The following TCL1B variants were observed in gnomAD, a reference collection of about 807,000 sequenced individuals.
The protein encoded by TCL1B is T-cell leukemia/lymphoma protein 1B.
TCL1B carries 14 observed loss-of-function variants against 16.9 expected under a neutral mutation model. The observed-to-expected ratio is 0.83, with a 90% CI of 0.55 to 1.30. The LOEUF (loss-of-function observed/expected upper bound fraction) is 1.30, where lower values mean the gene tolerates loss of function less well. Among genes scored for constraint, TCL1B ranks in the 50% most tolerant of loss-of-function variants. The probability of loss-of-function intolerance (pLI) is 0.00; values close to 1 mark genes in which losing one functional copy is unlikely to be tolerated. For synonymous variants in TCL1B, 79 were observed against 66.6 expected, an observed-to-expected ratio of 1.19 and a Z score of -0.91; for missense variants, 166 against 165.2, an observed-to-expected ratio of 1.00 and a Z score of -0.03.
intron 1 of TCL1B, among the ~76,000 whole-genome samples, chr14:95,687,967 A>AAAT (rs1157524850): frequency 6.6e-6 from 1 of 151,306 alleles, no homozygotes; most frequent in Non-Finnish European, 1.5e-5. Flanking sequence ...AAAAAAAAAA[A>AAAT]AATGCCGTTT....
chr14:95,688,334 A>G (rs1431313629), intron 1 of TCL1B: 1 of 152,148 alleles, frequency 6.6e-6, no homozygotes, highest in Non-Finnish European at 1.5e-5. Flanking sequence ...CATTTCCTAA[A>G]AAAAGTTCAA....
At chr14:95,689,085 G>C (rs939025985) in intron 1 of TCL1B, among the ~76,000 whole-genome samples, 20 of 152,248 alleles carry the variant, frequency 1.3e-4, no homozygotes, top group African/African-American at 3.9e-4. Context: ...AGGAGATCGA[G>C]ACCATCCTGG....
intron 1 of TCL1B, among the ~76,000 whole-genome samples, chr14:95,689,598 T>C (rs1191201250): frequency 1.3e-5 from 2 of 152,206 alleles, no homozygotes; most frequent in African/African-American, 2.4e-5. Flanking sequence ...CAAAAGCAGC[T>C]AAAGGCAACG....
At chr14:95,689,646 A>G (rs1052605863) in intron 1 of TCL1B, among the ~76,000 whole-genome samples, 3 of 152,258 alleles carry the variant, frequency 2.0e-5, no homozygotes, top group Non-Finnish European at 4.4e-5. Context: ...TTTATTTACA[A>G]TAAAGCTTTA....
chr14:95,690,443 G>T (rs1033885761), intron 1 of TCL1B, among the ~76,000 whole-genome samples: 1 of 152,138 alleles, frequency 6.6e-6, no homozygotes, highest in African/African-American at 2.4e-5. Flanking sequence ...TACGGCAATG[G>T]CAGAGATGGA....
At chr14:95,687,901 G>A (rs1181484621) in intron 1 of TCL1B, among the ~76,000 whole-genome samples, 2 of 133,532 alleles carry the variant, frequency 1.5e-5, no homozygotes, top group East Asian at 4.6e-4. Context: ...GTAGTGAGCC[G>A]AGATCGCACC....
intron 1 of TCL1B, chr14:95,689,371 A>G (rs1885835822): frequency 6.6e-6 from 1 of 152,066 alleles, no homozygotes; most frequent in African/African-American, 2.4e-5. Flanking sequence ...GATTCTTCAA[A>G]TAACTTAGCC....
At chr14:95,690,348 T>G (rs1317882144) in intron 1 of TCL1B, among the ~76,000 whole-genome samples, 4 of 151,490 alleles carry the variant, frequency 2.6e-5, no homozygotes, top group African/African-American at 9.7e-5. Context: ...TGATCAGAAC[T>G]GCCATATATT....
At chr14:95,691,131 G>A in intron 2 of TCL1B, 137 bp from the exon 3 acceptor site, 1 of 1,151,318 alleles carries the variant, frequency 8.7e-7, no homozygotes, top group Non-Finnish European at 1.2e-6. Flanking sequence ...CCTTCCCTGG[G>A]CTAGGGAAAT....
chr14:95,690,962 G>A, intron 2 of TCL1B, 56 bp downstream of exon 2: 2 of 1,584,960 alleles, frequency 1.3e-6, no homozygotes, highest in Non-Finnish European at 1.7e-6. Flanking sequence ...TGACTGCCGT[G>A]GCCCTCTCTC....
intron 2 of TCL1B, 108 bp from the exon 3 acceptor site, chr14:95,691,160 A>G: frequency 7.5e-7 from 1 of 1,335,026 alleles, no homozygotes; most frequent in Non-Finnish European, 1.0e-6. Flanking sequence ...TGGAGTTCCC[A>G]CCTGCCTCAC....
intron 1 of TCL1B, among the ~76,000 whole-genome samples, chr14:95,688,558 G>A (rs1743526): frequency 0.91 from 138,496 of 152,258 alleles, 63,145 homozygotes; most frequent in Middle Eastern, 0.96. Flanking sequence ...CAGCAATGCC[G>A]CTTCTGGATA....
intron 3 of TCL1B, chr14:95,691,594 T>C (rs1185676605): frequency 1.4e-5 from 5 of 365,232 alleles, no homozygotes; most frequent in Non-Finnish European, 2.5e-5. Context: ...TTTTGTGAGG[T>C]GTACGTGTTA....
Position 95,691,285 on chromosome 14 carries a change from G to C in TCL1B, c.351G>C (p.Gln117His). 1.2e-6 allele frequency: 2 copies of C among 1,613,730 alleles called. No individual in the cohort carries two copies. Among genetic ancestry groups the C allele is most frequent in the Non-Finnish European group, 1.7e-6 (2 of 1,180,006 alleles). ...TCCTGCAGATTGACTCTATGGAGCAGCTGGTCCTAACATATCAGCCGGAGA... is the reference window on the plus strand; with the variant it reads ...TCCTGCAGATTGACTCTATGGAGCACCTGGTCCTAACATATCAGCCGGAGA... ...ADHGQIDSME[Q>H]LVLTYQPERK... The change falls in exon 3 of 4, where the codon CAG (glutamine) becomes CAC (histidine). Residue 117 changes from glutamine (Q) to histidine (H), a missense_variant. Physicochemically the swap from Gln to His is conservative, Grantham distance 24. Transcript: ENST00000340722.
At chr14:95,687,581 C>A (rs1204910851) in intron 1 of TCL1B, among the ~76,000 whole-genome samples, 1 of 152,150 alleles carries the variant, frequency 6.6e-6, no homozygotes, top group Non-Finnish European at 1.5e-5. Context: ...TAGTCGAATT[C>A]ATGGGTGCAG....
intron 1 of TCL1B, among the ~76,000 whole-genome samples, chr14:95,687,986 G>A (rs1329005754): frequency 2.1e-5 from 3 of 145,440 alleles, no homozygotes; most frequent in Non-Finnish European, 3.0e-5. Flanking sequence ...TTAGGTCTTC[G>A]TAAACAATTC....
intron 3 of TCL1B, 57 bp downstream of exon 3, chr14:95,691,393 C>T: frequency 2.6e-6 from 4 of 1,525,946 alleles, no homozygotes; most frequent in South Asian, 1.2e-5. Context: ...GAGAAGACCT[C>T]TCCTCTTTTC....
At chr14:95,687,693 C>T (rs977972519) in intron 1 of TCL1B, among the ~76,000 whole-genome samples, 4 of 152,126 alleles carry the variant, frequency 2.6e-5, no homozygotes. Context: ...TGGCTCACGC[C>T]TGTAATCCCA....
rs1316788190 is a variant in TCL1B, at chr14:95,692,291, C to T, written c.*376C>T. Reference sequence around the variant, plus strand: ...ATACCCACCAGGATGTGTGCCCAGCCAGGCCTCCAGCACCCCCAGTGCAGC... The same window carrying T: ...ATACCCACCAGGATGTGTGCCCAGCTAGGCCTCCAGCACCCCCAGTGCAGC... On this transcript the variant is annotated 3_prime_UTR_variant, in exon 4 of 4. Transcript: ENST00000340722. 6.6e-6 allele frequency: 1 copy of T among 152,528 alleles called. No homozygotes were observed. Among genetic ancestry groups the T allele is most frequent in the Non-Finnish European group, 1.5e-5 (1 of 68,314 alleles). The allele number at this position is 152,528 out of a possible 1,614,324, so 9.4% of individuals were successfully genotyped here. A position where few individuals can be genotyped will look rare whatever the true frequency, so the allele number is the denominator to read the frequency against.
Sources: allele counts gnomAD v4.1 joint callset (sites outside exome capture counted in the v4.1 genomes callset), GRCh38; gene constraint gnomAD v4.1.1; transcripts MANE v1.5; gene names NCBI Gene and HGNC (gene_info 2026-07-23, HGNC 2026-07-21).